UBR4: variants seen among roughly 807,000 people sequenced by gnomAD.
UBR4 encodes E3 ubiquitin-protein ligase UBR4.
UBR4 carries 124 observed loss-of-function variants against 575.6 expected under a neutral mutation model. The observed-to-expected ratio is 0.22, with a 90% CI of 0.19 to 0.25. UBR4 has a LOEUF of 0.25. UBR4 is among the 10% of genes least tolerant of loss of function. The probability of loss-of-function intolerance (pLI) is 1.00; values close to 1 mark genes in which losing one functional copy is unlikely to be tolerated. For synonymous variants in UBR4, 2,455 were observed against 2,473.7 expected (o/e 0.99, Z 0.22); for missense variants, 4,818 against 6,478.8 (o/e 0.74, Z 8.80).
chr1:19,173,654 C>T (rs540004924), intron 22 of UBR4, 33 bp from the exon 23 acceptor site: 4 of 1,605,094 alleles, frequency 2.5e-6, no homozygotes, highest in African/African-American at 1.3e-5. Flanking sequence ...AGAGGTAGCA[C>T]TTGGTATGGC....
Position 19,157,747 on chromosome 1 carries a change from C to A in UBR4, c.5760+68G>T, listed in dbSNP as rs1330885437. On this transcript the variant is annotated intron_variant, in intron 40 of 105. Coordinates refer to ENST00000375254, the MANE Select transcript of UBR4 (RefSeq NM_020765.3). This position sits in a 1 kb window ranked among gnomAD's most constrained non-coding sequence, Gnocchi z 4.4. Reference sequence around the variant, plus strand: ...AGAGGGCTAATCCGAATGTGGTCATCAATTTGTTTTGCTTAGCATTTAAGA... The same window carrying A: ...AGAGGGCTAATCCGAATGTGGTCATAAATTTGTTTTGCTTAGCATTTAAGA... 1.9e-6 allele frequency: 3 copies of A among 1,558,816 alleles called. No homozygotes were observed. The highest frequency in any genetic ancestry group is 2.6e-6 in the Non-Finnish European group (3 of 1,146,252).
chr1:19,093,449 G>A lies in UBR4; in HGVS notation c.13975C>T (p.Leu4659=), dbSNP rs1258111253. The A allele has an allele frequency of 6.2e-7, 1 of 1,614,202 alleles. No homozygotes were observed. Among genetic ancestry groups the A allele is most frequent in the Non-Finnish European group, 8.5e-7 (1 of 1,180,030 alleles). The change falls in exon 96 of 106, where the codon CTG becomes TTG. Residue 4659 remains leucine (L), a synonymous_variant. Coordinates refer to ENST00000375254, the MANE Select transcript of UBR4 (RefSeq NM_020765.3). The surrounding 1 kb of genome is among the most constrained non-coding windows in gnomAD (Gnocchi z 4.8). ...EDHSGDDKVF[L]DCFCKIAAGI... ...GCAGCTATTTTACAGAAGCAGTCCA[G>A]GAAGACTTTATCATCACCACTGTGA...
intron 8 of UBR4, among the ~76,000 whole-genome samples, chr1:19,196,526 T>C (rs2092464520): frequency 6.6e-6 from 1 of 152,222 alleles, no homozygotes. Context: ...AAAAAGTCCT[T>C]TTAACAATAA....
Position 19,100,804 on chromosome 1 carries a change from T to C in UBR4, c.13024-231A>G, listed in dbSNP as rs1213997450. Among the ~76,000 whole-genome samples the C allele has an allele frequency of 6.6e-6, 1 of 151,722 alleles. No homozygotes were observed. Among genetic ancestry groups the C allele is most frequent in the African/African-American group, 2.4e-5 (1 of 41,278 alleles). ...TGAAACCCCAGGGTGGATTAGGAGA[T>C]AAAGCCTAACAAAACAAGCAGACAA... On this transcript the variant is annotated intron_variant, in intron 88 of 105. Coordinates refer to ENST00000375254, the MANE Select transcript of UBR4 (RefSeq NM_020765.3). This position sits in a 1 kb window ranked among gnomAD's most constrained non-coding sequence, Gnocchi z 4.2.
At chr1:19,170,234 C>CA (rs1030211606) in intron 26 of UBR4, among the ~76,000 whole-genome samples, 82 of 152,214 alleles carry the variant, frequency 5.4e-4, no homozygotes, top group East Asian at 1.4e-3. Context: ...CTCATCTCTA[C>CA]AAAAAAATTT....
Position 19,185,263 on chromosome 1 carries a change from C to G in UBR4, c.1774G>C (p.Gly592Arg), listed in dbSNP as rs2091405951. ...GAAATAGTCTCCTCAAACCATTGCC[C>G]CAAAATAGGCTCACTGTCATCGTCT... ...SQDDDSEPIL[G>R]QWFEETISPS... The change falls in exon 15 of 106, where the codon GGG (glycine) becomes CGG (arginine). Residue 592 changes from glycine to arginine, a missense_variant. By Grantham distance (125) the Gly-to-Arg change is moderately radical (BLOSUM62 -2). This residue lies in a region of UBR4 where 162 missense variants were observed against 216.4 expected (regional missense o/e 0.75). Transcript: ENST00000375254. 6.3e-7 allele frequency: 1 copy of G among 1,581,264 alleles called. No homozygotes were observed. Among genetic ancestry groups the G allele is most frequent in the Non-Finnish European group, 8.6e-7 (1 of 1,167,340 alleles).
chr1:19,165,436 TG>T (rs924088814), intron 30 of UBR4, 87 bp from the exon 31 acceptor site: 38 of 1,251,752 alleles, frequency 3.0e-5, no homozygotes, highest in Non-Finnish European at 4.4e-5. Flanking sequence ...TCATCTCCTC[TG>T]GGGAAAATGA....
At chr1:19,105,667 C>CT in intron 84 of UBR4, 66 bp downstream of exon 84, 1 of 1,238,640 alleles carries the variant, frequency 8.1e-7, no homozygotes, top group Non-Finnish European at 1.1e-6. Flanking sequence ...CATGGATTCC[C>CT]CGGGGAAGAT....
In UBR4 at chr1:19,127,673, T is replaced by C; in HGVS notation, c.9178A>G (p.Ser3060Gly). 6.2e-7 allele frequency: 1 copy of C among 1,614,098 alleles called. No homozygotes were observed. The highest frequency in any genetic ancestry group is 8.5e-7 in the Non-Finnish European group (1 of 1,180,000). The part of the protein sequence containing the change: ...EVHLVVMRLL[S>G]VFMSRTKSGS... Reference sequence around the variant, plus strand: ...GATTTGGTGCGGGACATGAAGACACTCAGGAGTCTCATTACTACCAGATGG... The same window carrying C: ...GATTTGGTGCGGGACATGAAGACACCCAGGAGTCTCATTACTACCAGATGG... Residue 3060 changes from serine (S) to glycine (G), a missense_variant, in exon 63 of 106, where the codon AGT (serine) becomes GGT (glycine). Around this residue, in one of 29 missense-constraint regions of UBR4, gnomAD observed 550 missense variants for 791.5 expected, o/e 0.69. Transcript: ENST00000375254.
At chr1:19,138,389 T>C (rs534197972) in intron 59 of UBR4, among the ~76,000 whole-genome samples, 56 of 152,328 alleles carry the variant, frequency 3.7e-4, no homozygotes, top group Non-Finnish European at 3.7e-4. Context: ...TTCCCCAGTA[T>C]GTAAGACCCA....
At chr1:19,148,517 C>T (rs1267565346) in intron 50 of UBR4, 46 bp downstream of exon 50, 1 of 1,612,410 alleles carries the variant, frequency 6.2e-7, no homozygotes, top group Non-Finnish European at 8.5e-7. Flanking sequence ...CCACTGACTT[C>T]CTGCCTCTTC....
rs775555640 is a variant in UBR4 at position 19,156,255 on chromosome 1, A to T, written c.6072+16T>A. 1 of 1,613,054 alleles carries T rather than the reference A, an allele frequency of 6.2e-7. No homozygotes were observed. The highest frequency in any genetic ancestry group is 1.7e-5 in the Admixed American group (1 of 59,788). On this transcript the variant is annotated intron_variant, in intron 42 of 105. Transcript: ENST00000375254. Reference sequence around the variant, plus strand: ...AAAAATTCTAGGACCATATCATCAAAGAACTGTAACTGTACCTTAACAAAG... The same window carrying T: ...AAAAATTCTAGGACCATATCATCAATGAACTGTAACTGTACCTTAACAAAG...
rs755110670 is a variant in UBR4 at position 19,152,290 on chromosome 1, T to A, written c.6996+23A>T. ...TTGAGTCCTTCTACCCAGGGATTGA[T>A]CCCAGCCCAGTGCCATTCTTACCTT... is the stretch of plus-strand genomic sequence containing the variant. On this transcript the variant is annotated intron_variant, in intron 47 of 105. Coordinates refer to ENST00000375254, the MANE Select transcript of UBR4 (RefSeq NM_020765.3). The surrounding 1 kb of genome is among the most constrained non-coding windows in gnomAD (Gnocchi z 4.4). The A allele has an allele frequency of 6.2e-7, 1 of 1,613,258 alleles. No individual in the cohort carries two copies. The highest frequency in any genetic ancestry group is 1.7e-5 in the Admixed American group (1 of 60,006).
rs1169148394 is a variant in UBR4, at chr1:19,096,533, T to C, written c.13508A>G (p.His4503Arg). 1 of 1,613,134 alleles carries C rather than the reference T, an allele frequency of 6.2e-7. No homozygotes were observed. The highest frequency in any genetic ancestry group is 1.1e-5 in the South Asian group (1 of 90,942). The change falls in exon 92 of 106, where the codon CAC (histidine) becomes CGC (arginine). Residue 4503 changes from histidine to arginine, a missense_variant. Coordinates refer to ENST00000375254, the MANE Select transcript of UBR4 (RefSeq NM_020765.3). ...AGIRDFKQGR[H>R]LLTVLLKLFS... ...CTGCCCCCAACTCACTGTTAGAAGG[T>C]GGCGTCCCTGCTTGAAATCTCTGAT...
chr1:19,105,311 A>T, intron 84 of UBR4, 122 bp from the exon 85 acceptor site: 1 of 1,215,976 alleles, frequency 8.2e-7, no homozygotes. Context: ...TGCTTCCTAG[A>T]GGGTGGAGGA....
rs745455081 is a variant in UBR4, at chr1:19,141,476, G to A, written c.8359C>T (p.Pro2787Ser). 3.1e-6 allele frequency: 5 copies of A among 1,613,600 alleles called. No individual in the cohort carries two copies. The South Asian group carries it at 5.5e-5, about 18-fold the overall frequency. ...GCCAGCAGGGCCTCCAGGGGAGAGG[G>A]GTTGCCATTGTTGACATTTTCAGCT... Reference protein sequence around the residue: ...ETAENVNNGNPSPLEALLAGA... With the variant: ...ETAENVNNGNSSPLEALLAGA... Residue 2787 changes from proline to serine, a missense_variant, in exon 57 of 106, where the codon CCC becomes TCC. By Grantham distance (74) the Pro-to-Ser change is moderately conservative. Transcript: ENST00000375254.
At chr1:19,141,869 C>T in intron 55 of UBR4, 92 bp from the exon 56 acceptor site, 2 of 1,555,932 alleles carry the variant, frequency 1.3e-6, no homozygotes, top group South Asian at 1.2e-5. Flanking sequence ...AAACCCAAGA[C>T]AAGCTACCAG....
At chr1:19,140,383 A>G (rs1240924944) in intron 58 of UBR4, among the ~76,000 whole-genome samples, 1 of 152,248 alleles carries the variant, frequency 6.6e-6, no homozygotes, top group Non-Finnish European at 1.5e-5. Context: ...CTAGCTTCTT[A>G]TAGCTCTCCT....
At chr1:19,169,323 G>A in intron 27 of UBR4, 112 bp downstream of exon 27, 2 of 815,378 alleles carry the variant, frequency 2.5e-6, no homozygotes. Flanking sequence ...TATTACTGCA[G>A]TATATGAAGA....
Sources: gnomAD v4.1 joint callset for allele counts (sites outside exome capture counted in the v4.1 genomes callset) on GRCh38, gnomAD v4.1.1 for gene constraint, gnomAD v4.1.1 regional missense constraint, Gnocchi (gnomAD v3.1) non-coding constraint, MANE v1.5 for transcripts, NCBI Gene and HGNC (gene_info 2026-07-23, HGNC 2026-07-21) for gene names.